Variants in SPATS2 observed in about 807,000 individuals in gnomAD.
SPATS2 encodes spermatogenesis-associated serine-rich protein 2.
In SPATS2, 38 loss-of-function variants were observed where a neutral mutation model predicts 63.7. The observed-to-expected ratio is 0.60, with a 90% CI of 0.46 to 0.78. The LOEUF (loss-of-function observed/expected upper bound fraction) is 0.78. SPATS2 is among the 30% of genes least tolerant of loss of function. The probability of loss-of-function intolerance (pLI) is 0.00; values close to 1 mark genes in which losing one functional copy is unlikely to be tolerated. For synonymous variants in SPATS2, 207 were observed against 232.9 expected (o/e 0.89, Z 1.01); for missense variants, 588 against 666.2 (o/e 0.88, Z 1.29).
intron 9 of SPATS2, among the ~76,000 whole-genome samples, chr12:49,502,978 C>T (rs1946589893): frequency 6.6e-6 from 1 of 152,094 alleles, no homozygotes; most frequent in African/African-American, 2.4e-5. Context: ...CTGATTTTTC[C>T]CCTTTCTGAA....
intron 2 of SPATS2, among the ~76,000 whole-genome samples, chr12:49,380,531 C>G (rs909362981): frequency 1.3e-5 from 2 of 152,042 alleles, no homozygotes; most frequent in Non-Finnish European, 2.9e-5. Flanking sequence ...CATGGCAAAA[C>G]CCCGCCTCTA....
At chr12:49,447,705 G>GT (rs1230595831) in intron 2 of SPATS2, among the ~76,000 whole-genome samples, 1 of 152,138 alleles carries the variant, frequency 6.6e-6, no homozygotes, top group Non-Finnish European at 1.5e-5. Flanking sequence ...TCTTAGTAAT[G>GT]TAAGTTTTTC....
At position 49,454,892 on chromosome 12, in the gene SPATS2, A is replaced by C. The variant is rs558139061; in HGVS notation, c.-243-5878A>C. ...GAGGCTCTGTCTTTAAAAAAAAAAA[A>C]AAAAAACAGTCCATTCTGCACCACC... is the stretch of plus-strand genomic sequence containing the variant. On this transcript the variant is annotated intron_variant, in intron 2 of 13. Coordinates refer to ENST00000552918, the MANE Select transcript of SPATS2 (RefSeq NM_023071.4). Among the ~76,000 whole-genome samples the C allele has an allele frequency of 8.0e-4, 121 of 151,564 alleles. 1 individual carries two copies. The highest frequency in any genetic ancestry group is 2.8e-3 in the African/African-American group (115 of 41,232).
chr12:49,459,670 C>G (rs1031356249), intron 2 of SPATS2, among the ~76,000 whole-genome samples: 4 of 147,688 alleles, frequency 2.7e-5, no homozygotes, highest in Non-Finnish European at 5.9e-5. Flanking sequence ...AAAAGTCTCA[C>G]GTTTGCTGTT....
intron 2 of SPATS2, among the ~76,000 whole-genome samples, chr12:49,395,939 C>T (rs1413895762): frequency 6.6e-6 from 1 of 152,216 alleles, no homozygotes; most frequent in African/African-American, 2.4e-5. Flanking sequence ...CTGGCAACCA[C>T]CATGCTACTT....
intron 2 of SPATS2, among the ~76,000 whole-genome samples, chr12:49,405,015 T>G (rs953687343): frequency 1.3e-5 from 2 of 152,070 alleles, no homozygotes; most frequent in Non-Finnish European, 2.9e-5. Context: ...TATGGCTGCT[T>G]TCACACTGCA....
intron 2 of SPATS2, among the ~76,000 whole-genome samples, chr12:49,387,451 A>G (rs1207007438): frequency 1.3e-5 from 2 of 152,026 alleles, no homozygotes; most frequent in East Asian, 3.9e-4. Flanking sequence ...AGCCCGACCA[A>G]CTTGGTGAAA....
chr12:49,442,202 C>A (rs569076085), intron 2 of SPATS2, among the ~76,000 whole-genome samples: 2 of 152,150 alleles, frequency 1.3e-5, no homozygotes, highest in East Asian at 3.8e-4. Flanking sequence ...CAAAAAATAA[C>A]AAGCAAATAA....
chr12:49,491,655 A>G (rs1946385080), intron 6 of SPATS2, among the ~76,000 whole-genome samples: 1 of 152,194 alleles, frequency 6.6e-6, no homozygotes, highest in South Asian at 2.1e-4. Context: ...CTGTTCCACT[A>G]TCTACTGGCA....
chr12:49,487,352 A>G (rs2007490), intron 4 of SPATS2, among the ~76,000 whole-genome samples: 1,695 of 152,178 alleles, frequency 0.011, 23 homozygotes, highest in Middle Eastern at 0.065. Flanking sequence ...TTAGCCAGGC[A>G]TGGTGGTGCA....
chr12:49,370,046 C>G (rs539433568), intron 1 of SPATS2, among the ~76,000 whole-genome samples: 1 of 152,258 alleles, frequency 6.6e-6, no homozygotes, highest in East Asian at 1.9e-4. Context: ...TGAGCATAGC[C>G]CCTGGAGGCC....
In SPATS2 at chr12:49,464,385, C is replaced by T. The variant is rs908872673; in HGVS notation, c.25+3348C>T. Among the ~76,000 whole-genome samples, 6 of 147,614 alleles carry T rather than the reference C, an allele frequency of 4.1e-5. No individual in the cohort carries two copies. In the South Asian group the frequency reaches 1.1e-3, roughly 26 times the overall value. On this transcript the variant is annotated intron_variant, in intron 3 of 13. Transcript: ENST00000552918. ...CTGTAATCCCAGCACTTTGGGAGGA[C>T]AAGGTGGGCAGATCATCTGAGGTTG...
intron 2 of SPATS2, among the ~76,000 whole-genome samples, chr12:49,453,581 G>T (rs1420084115): frequency 6.6e-6 from 1 of 152,056 alleles, no homozygotes; most frequent in Non-Finnish European, 1.5e-5. Context: ...TGAAGTCAGG[G>T]CAGGAGGATT....
At chr12:49,458,660 A>G (rs1945763634) in intron 2 of SPATS2, among the ~76,000 whole-genome samples, 1 of 151,812 alleles carries the variant, frequency 6.6e-6, no homozygotes, top group African/African-American at 2.4e-5. Context: ...CATGCCTACA[A>G]TTCCAGCTAC....
chr12:49,399,583 G>T (rs1451678168), intron 2 of SPATS2, among the ~76,000 whole-genome samples: 1 of 152,142 alleles, frequency 6.6e-6, no homozygotes, highest in Non-Finnish European at 1.5e-5. Context: ...ATTTAAACTG[G>T]TTCTAGGTCT....
At chr12:49,446,123 C>T (rs1172735636) in intron 2 of SPATS2, among the ~76,000 whole-genome samples, 5 of 150,620 alleles carry the variant, frequency 3.3e-5, no homozygotes, top group African/African-American at 9.8e-5. Flanking sequence ...AAGGTGGTCT[C>T]GAACTCCTGA....
At chr12:49,456,610 G>T (rs1945723746) in intron 2 of SPATS2, among the ~76,000 whole-genome samples, 1 of 152,332 alleles carries the variant, frequency 6.6e-6, no homozygotes. Flanking sequence ...TGGCAGAGTA[G>T]AAGACTCAGG....
At chr12:49,517,952 C>G (rs77089557) in intron 10 of SPATS2, among the ~76,000 whole-genome samples, 4,414 of 152,192 alleles carry the variant, frequency 0.029, 88 homozygotes, top group Middle Eastern at 0.079. Flanking sequence ...CCTCCACTAC[C>G]CAGTATCCCT....
chr12:49,471,983 A>T (rs561350924), intron 3 of SPATS2, among the ~76,000 whole-genome samples: 6 of 151,950 alleles, frequency 3.9e-5, no homozygotes, highest in Middle Eastern at 3.4e-3. Flanking sequence ...AAAAAAATTT[A>T]AAAAATTACC....
Sources: gnomAD v4.1 joint callset for allele counts (sites outside exome capture counted in the v4.1 genomes callset) on GRCh38, gnomAD v4.1.1 for gene constraint, MANE v1.5 for transcripts, NCBI Gene and HGNC (gene_info 2026-07-23, HGNC 2026-07-21) for gene names.